The following DCTN2 variants were observed in gnomAD, a reference collection of about 807,000 sequenced individuals.
DCTN2 encodes 50 kDa dynein-associated polypeptide.
DCTN2 carries 18 observed loss-of-function variants against 55.4 expected under a neutral mutation model. The observed-to-expected ratio is 0.32, with a 90% CI of 0.22 to 0.48. The LOEUF is 0.48. DCTN2 is among the 20% of genes least tolerant of loss of function. DCTN2 has a pLI of 0.99. For synonymous variants in DCTN2, 168 were observed against 185.2 expected (o/e 0.91, Z 0.76); for missense variants, 390 against 491.0 (o/e 0.79, Z 1.94).
chr12:57,532,904 CT>C (rs1220097369), intron 9 of DCTN2, 79 bp downstream of exon 9: 1 of 1,593,674 alleles, frequency 6.3e-7, no homozygotes, highest in Non-Finnish European at 8.6e-7. Flanking sequence ...TAGCTACAAA[CT>C]CAAAAATAAT....
At chr12:57,538,553 CAA>C (rs778519374) in intron 2 of DCTN2, 9 of 752,566 alleles carry the variant, frequency 1.2e-5, no homozygotes, top group East Asian at 2.4e-5. Flanking sequence ...GTGAGAAAAT[CAA>C]AAGAGTTAAA....
At chr12:57,546,415 C>T (rs1227059239) in intron 1 of DCTN2, among the ~76,000 whole-genome samples, 1 of 152,050 alleles carries the variant, frequency 6.6e-6, no homozygotes, top group Non-Finnish European at 1.5e-5. Context: ...TCCAATTAGG[C>T]CCCGTACACC....
chr12:57,543,460 A>C (rs1565684318), intron 2 of DCTN2, among the ~76,000 whole-genome samples: 1 of 152,174 alleles, frequency 6.6e-6, no homozygotes, highest in Non-Finnish European at 1.5e-5. Flanking sequence ...CAGGAAACAG[A>C]CAGGCTGCTG....
Position 57,547,159 on chromosome 12 carries a change from C to T in DCTN2, c.-96G>A. On this transcript the variant is annotated 5_prime_UTR_variant, in exon 1 of 14. Transcript: ENST00000548249. Reference sequence around the variant, plus strand: ...GCTGGGTTCGGGTCCCGGGCTAAGGCGGCGGCAAAGGGAGCGGCAGATGAG... The same window carrying T: ...GCTGGGTTCGGGTCCCGGGCTAAGGTGGCGGCAAAGGGAGCGGCAGATGAG... 9.2e-7 allele frequency: 1 copy of T among 1,087,810 alleles called. No homozygotes were observed. Among genetic ancestry groups the T allele is most frequent in the East Asian group, 3.2e-5 (1 of 30,936 alleles). 67.4% of individuals were successfully genotyped at this position (1,087,810 alleles called of 1,614,324 possible).
At chr12:57,541,151 C>A (rs1880657940) in intron 2 of DCTN2, among the ~76,000 whole-genome samples, 1 of 152,198 alleles carries the variant, frequency 6.6e-6, no homozygotes, top group African/African-American at 2.4e-5. Context: ...GCAGACCTCA[C>A]AAGGGGAAGA....
At position 57,546,962 on chromosome 12, in the gene DCTN2, T is replaced by C. The variant is rs1881223208; in HGVS notation, c.36+66A>G. On this transcript the variant is annotated intron_variant, in intron 1 of 13. Coordinates refer to ENST00000548249, the MANE Select transcript of DCTN2 (RefSeq NM_001261413.2). ...AGGCGGGAGGGGTCGCGGGCTGGTT[T>C]CTGCTGGGGGTCCTTGGGAGGTCGG... 6.6e-6 allele frequency: 8 copies of C among 1,218,726 alleles called. 1 individual carries two copies. The highest frequency in any genetic ancestry group is 4.2e-5 in the Admixed American group (1 of 24,022). The allele number at this position is 1,218,726 out of a possible 1,614,324, so 75.5% of individuals were successfully genotyped here. A position where few individuals can be genotyped will look rare whatever the true frequency, so the allele number is the denominator to read the frequency against.
In DCTN2 at chr12:57,530,980, G is replaced by A. The variant is rs73346013; in HGVS notation, c.1120-205C>T. Among the ~76,000 whole-genome samples, 1,004 of 152,266 alleles carry A rather than the reference G, an allele frequency of 6.6e-3. 9 individuals are homozygous for A. The highest frequency in any genetic ancestry group is 0.023 in the African/African-American group (960 of 41,558). On this transcript the variant is annotated intron_variant, in intron 13 of 13. Transcript: ENST00000548249. ...GGGTGAGCCCAAGCAGGTAGGACTCGAGAATTCCCATCCTGACTTCAGCCA... is the reference window on the plus strand; with the variant it reads ...GGGTGAGCCCAAGCAGGTAGGACTCAAGAATTCCCATCCTGACTTCAGCCA...
intron 2 of DCTN2, 193 bp from the exon 3 acceptor site, chr12:57,536,038 A>G: frequency 1.7e-6 from 1 of 593,356 alleles, no homozygotes; most frequent in South Asian, 2.1e-5. Context: ...TTGGAGCCTC[A>G]GTTGTATAAA....
chr12:57,536,088 A>C, intron 2 of DCTN2: 3 of 532,526 alleles, frequency 5.6e-6, no homozygotes, highest in Non-Finnish European at 6.7e-6. Flanking sequence ...AGGGAGCATA[A>C]CCTCCCCACC....
intron 13 of DCTN2, 61 bp from the exon 14 acceptor site, chr12:57,530,836 C>T: frequency 7.4e-7 from 1 of 1,356,504 alleles, no homozygotes; most frequent in Non-Finnish European, 1.1e-6. Context: ...TGGATGAGGA[C>T]CTGAAGGAAT....
chr12:57,533,207 G>C, intron 8 of DCTN2, 31 bp downstream of exon 8: 3 of 1,610,326 alleles, frequency 1.9e-6, no homozygotes, highest in Non-Finnish European at 1.7e-6. Flanking sequence ...CAGGATCTAA[G>C]GCTCAGATTA....
At position 57,532,314 on chromosome 12, in the gene DCTN2, A is replaced by G; in HGVS notation, c.926T>C (p.Val309Ala). Residue 309 changes from valine to alanine, a missense_variant and splice_region_variant, in exon 12 of 14, where the codon GTG (valine) becomes GCG (alanine). Transcript: ENST00000548249. ...SVEDADTQSK[V>A]HQLYETIQRW... ...CTGTATAGTTTCATATAGCTGGTGC[A>G]CCTGAAGGGACACAATGGGGCCCAG... 2 of 1,558,330 alleles carry G rather than the reference A, an allele frequency of 1.3e-6. No homozygotes were observed. The highest frequency in any genetic ancestry group is 1.7e-6 in the Non-Finnish European group (2 of 1,150,468).
chr12:57,547,170 G>A lies in DCTN2; in HGVS notation c.-107C>T, dbSNP rs548723649. The A allele has an allele frequency of 1.3e-5, 12 of 951,542 alleles. No homozygotes were observed. Among genetic ancestry groups the A allele is most frequent in the South Asian group, 5.2e-5 (1 of 19,280 alleles). 58.9% of individuals were successfully genotyped at this position (951,542 alleles called of 1,614,324 possible). ...GTCCCGGGCTAAGGCGGCGGCAAAG[G>A]GAGCGGCAGATGAGCAGGAAGTCTC... On this transcript the variant is annotated 5_prime_UTR_variant, in exon 1 of 14. Transcript: ENST00000548249.
intron 2 of DCTN2, chr12:57,538,445 T>G: frequency 2.7e-6 from 2 of 736,550 alleles, no homozygotes; most frequent in Non-Finnish European, 5.0e-6. Context: ...TTTAGTAGAG[T>G]CTAAAGGACA....
intron 13 of DCTN2, 75 bp from the exon 14 acceptor site, chr12:57,530,850 CTGAG>C: frequency 7.9e-7 from 1 of 1,267,272 alleles, no homozygotes; most frequent in Non-Finnish European, 1.1e-6. Flanking sequence ...AAGGAATTCT[CTGAG>C]AGAGAAGACA....
chr12:57,538,826 A>G (rs1262605969), intron 2 of DCTN2, among the ~76,000 whole-genome samples: 1 of 152,228 alleles, frequency 6.6e-6, no homozygotes, highest in East Asian at 1.9e-4. Flanking sequence ...GTTTAGGATC[A>G]TCTGAAAACT....
intron 1 of DCTN2, 80 bp downstream of exon 1, chr12:57,546,948 G>A: frequency 8.6e-7 from 1 of 1,157,286 alleles, no homozygotes; most frequent in Non-Finnish European, 1.1e-6. Flanking sequence ...GGCGGGAGGG[G>A]TCGCGGGCTG....
rs1402809670 is a variant in DCTN2 at position 57,535,273 on chromosome 12, C to G, written c.265-119G>C. 6.0e-6 allele frequency: 6 copies of G among 994,042 alleles called. No individual in the cohort carries two copies. The East Asian group carries it at 1.3e-4, about 21-fold the overall frequency. 61.6% of individuals were successfully genotyped at this position (994,042 alleles called of 1,614,324 possible). On this transcript the variant is annotated intron_variant, in intron 4 of 13. Coordinates refer to ENST00000548249, the MANE Select transcript of DCTN2 (RefSeq NM_001261413.2). ...ATATCCAATTGAGAATCCACAACAC[C>G]CTAGTACCAAAGAACTGAGGACAGC...
At chr12:57,540,915 T>C (rs899263978) in intron 2 of DCTN2, among the ~76,000 whole-genome samples, 16 of 152,244 alleles carry the variant, frequency 1.1e-4, no homozygotes, top group African/African-American at 3.9e-4. Flanking sequence ...TTCCCAGAGA[T>C]AATCCACATA....
Sources: allele counts gnomAD v4.1 joint callset (sites outside exome capture counted in the v4.1 genomes callset), GRCh38; gene constraint gnomAD v4.1.1; transcripts MANE v1.5; gene names NCBI Gene and HGNC (gene_info 2026-07-23, HGNC 2026-07-21).